The following DGKI variants were observed in gnomAD, a reference collection of about 807,000 sequenced individuals.
DGKI encodes the protein diacylglycerol kinase iota, also known as DAG kinase iota.
Under a neutral mutation model 147.5 loss-of-function variants are expected in DGKI, and 55 were observed. That is an observed-to-expected ratio of 0.37 (90% CI 0.30 to 0.47). The LOEUF is 0.47. Among genes scored for constraint, DGKI ranks in the 20% least tolerant of loss-of-function variants. The pLI, the probability that DGKI is intolerant of heterozygous loss-of-function variation, is 1.00. For missense variants in DGKI, 1,007 were observed against 1,323.8 expected (o/e 0.76, Z 3.71); for synonymous variants, 469 against 477.1 (o/e 0.98, Z 0.22).
In DGKI at chr7:137,599,880, A is replaced by C; in HGVS notation, c.1193T>G (p.Met398Arg). ...GACTTGCCGTGGATTCAGGTACCAC[A>C]TGAACATCTGCAGGACTTTGGTTCC... Reference protein sequence around the residue: ...NQGTKVLQMFMWYLNPRQVFD... With the variant: ...NQGTKVLQMFRWYLNPRQVFD... The change falls in exon 11 of 33, where the codon ATG becomes AGG. Residue 398 changes from methionine to arginine, a missense_variant. Coordinates refer to ENST00000614521, the MANE Select transcript of DGKI (RefSeq NM_001321708.2). The C allele has an allele frequency of 6.2e-7, 1 of 1,613,946 alleles. No individual in the cohort carries two copies. The highest frequency in any genetic ancestry group is 8.5e-7 in the Non-Finnish European group (1 of 1,179,820).
At chr7:137,543,320 G>T (rs1355753099) in intron 20 of DGKI, among the ~76,000 whole-genome samples, 1 of 152,030 alleles carries the variant, frequency 6.6e-6, no homozygotes, top group African/African-American at 2.4e-5. Flanking sequence ...GCTTTGTTTT[G>T]TCCTATTGGA....
At chr7:137,653,014 C>G (rs756557089) in intron 5 of DGKI, among the ~76,000 whole-genome samples, 3 of 152,202 alleles carry the variant, frequency 2.0e-5, no homozygotes, top group East Asian at 3.9e-4. Flanking sequence ...ACAGGGATAC[C>G]TCACACTTCA....
At chr7:137,733,955 G>T (rs1205975364) in intron 1 of DGKI, among the ~76,000 whole-genome samples, 1 of 151,944 alleles carries the variant, frequency 6.6e-6, no homozygotes, top group Non-Finnish European at 1.5e-5. Flanking sequence ...ATTTGAATAG[G>T]CAACAGTTTC....
At chr7:137,682,441 AC>A (rs1823271763) in intron 2 of DGKI, among the ~76,000 whole-genome samples, 1 of 152,236 alleles carries the variant, frequency 6.6e-6, no homozygotes, top group Admixed American at 6.5e-5. Flanking sequence ...TACCTCCCTT[AC>A]AGGACTACAA....
At chr7:137,699,163 G>A (rs1175002100) in intron 1 of DGKI, among the ~76,000 whole-genome samples, 1 of 152,176 alleles carries the variant, frequency 6.6e-6, no homozygotes, top group Non-Finnish European at 1.5e-5. Flanking sequence ...CATGGAGGAA[G>A]AGGCAAATGT....
rs1818761312 is a variant in DGKI at position 137,570,633 on chromosome 7, C to A, written c.1947+542G>T. 3.3e-5 allele frequency among the ~76,000 whole-genome samples: 5 copies of A among 151,564 alleles called. No homozygotes were observed. In the South Asian group the frequency reaches 1.0e-3, roughly 32 times the overall value. ...TTTGAGATGCAGTTTCACTCGTCAC[C>A]CAGGCTGGAGTGCAGTGGCACAATT... On this transcript the variant is annotated intron_variant, in intron 19 of 32. Coordinates refer to ENST00000614521, the MANE Select transcript of DGKI (RefSeq NM_001321708.2).
intron 19 of DGKI, 96 bp from the exon 20 acceptor site, chr7:137,552,664 T>C (rs866896842): frequency 1.8e-5 from 24 of 1,318,474 alleles, no homozygotes; most frequent in Middle Eastern, 2.4e-4. Context: ...ATCCCAGCAC[T>C]TTGGGAGACC....
In DGKI at chr7:137,695,798, G is replaced by A. The variant is rs117386073; in HGVS notation, c.402-5796C>T. Among the ~76,000 whole-genome samples, 1,294 of 152,264 alleles carry A rather than the reference G, an allele frequency of 8.5e-3. 10 individuals carry two copies. Among genetic ancestry groups the A allele is most frequent in the Middle Eastern group, 0.02 (6 of 294 alleles). ...AATTTCCTGTCTCTAGAACAAGAAT[G>A]CAAACTTCTACCAGCAAGAGGACAT... On this transcript the variant is annotated intron_variant, in intron 1 of 32. Transcript: ENST00000614521.
chr7:137,710,846 C>T (rs1297555329), intron 1 of DGKI, among the ~76,000 whole-genome samples: 1 of 151,832 alleles, frequency 6.6e-6, no homozygotes, highest in African/African-American at 2.4e-5. Context: ...AAAGATTAGC[C>T]ACAAAATAAA....
chr7:137,441,377 T>C (rs1046956585), intron 28 of DGKI, among the ~76,000 whole-genome samples: 37 of 134,170 alleles, frequency 2.8e-4, no homozygotes, highest in African/African-American at 9.3e-4. Flanking sequence ...GCCGAGATCG[T>C]GCCACTGCAC....
intron 31 of DGKI, among the ~76,000 whole-genome samples, chr7:137,396,645 ACTT>A (rs1811564699): frequency 6.6e-6 from 1 of 151,912 alleles, no homozygotes; most frequent in Admixed American, 6.6e-5. Context: ...ATTCATTTCT[ACTT>A]CTCCTCCTTC....
At chr7:137,732,463 C>T (rs1794911955) in intron 1 of DGKI, among the ~76,000 whole-genome samples, 1 of 152,174 alleles carries the variant, frequency 6.6e-6, no homozygotes, top group African/African-American at 2.4e-5. Context: ...CACAGCCTTT[C>T]ATGATGATAA....
intron 3 of DGKI, among the ~76,000 whole-genome samples, chr7:137,677,903 T>G (rs527982521): frequency 2.0e-5 from 3 of 152,296 alleles, no homozygotes; most frequent in African/African-American, 7.2e-5. Context: ...GGTTTTGATA[T>G]CTCCACAATG....
chr7:137,726,478 C>A (rs1243973164), intron 1 of DGKI, among the ~76,000 whole-genome samples: 2 of 152,088 alleles, frequency 1.3e-5, no homozygotes, highest in Non-Finnish European at 2.9e-5. Flanking sequence ...TCTGTTAGAC[C>A]GAAATTATTA....
intron 1 of DGKI, among the ~76,000 whole-genome samples, chr7:137,803,090 A>G (rs1242332308): frequency 6.6e-6 from 1 of 152,256 alleles, no homozygotes; most frequent in Non-Finnish European, 1.5e-5. Context: ...GCTTGCATTA[A>G]GGAAAGATCC....
chr7:137,535,734 A>G (rs974848044), intron 20 of DGKI, among the ~76,000 whole-genome samples: 4 of 152,164 alleles, frequency 2.6e-5, no homozygotes, highest in African/African-American at 7.2e-5. Flanking sequence ...AAGCAATAAG[A>G]TAGAATGTTA....
At chr7:137,586,927 A>T (rs1819424228) in intron 13 of DGKI, among the ~76,000 whole-genome samples, 170 bp downstream of exon 13, 1 of 152,208 alleles carries the variant, frequency 6.6e-6, no homozygotes. Flanking sequence ...TTAAGTTTAA[A>T]CTGAAGAAGC....
At chr7:137,687,694 C>T (rs1480998399) in intron 2 of DGKI, among the ~76,000 whole-genome samples, 6 of 152,116 alleles carry the variant, frequency 3.9e-5, no homozygotes, top group African/African-American at 1.4e-4. Context: ...CAAAATCAGC[C>T]CACAAAGATG....
chr7:137,753,830 C>G (rs2116770378), intron 1 of DGKI, among the ~76,000 whole-genome samples: 1 of 152,198 alleles, frequency 6.6e-6, no homozygotes, highest in East Asian at 1.9e-4. Context: ...GTTAGAGCAG[C>G]TTTGAGAGTA....
Sources: allele counts gnomAD v4.1 joint callset (sites outside exome capture counted in the v4.1 genomes callset), GRCh38; gene constraint gnomAD v4.1.1; transcripts MANE v1.5; gene names NCBI Gene and HGNC (gene_info 2026-07-23, HGNC 2026-07-21).